The following IL1RAPL1 variants were observed in gnomAD, a reference collection of about 807,000 sequenced individuals.
IL1RAPL1 encodes the protein interleukin 1 receptor accessory protein like 1, also known as interleukin-1 receptor accessory protein-like 1.
A neutral mutation model predicts 48.4 loss-of-function variants in IL1RAPL1; 3 were observed. That is an observed-to-expected ratio of 0.06 (90% CI 0.03 to 0.16). IL1RAPL1 has a LOEUF of 0.16. Among genes scored for constraint, IL1RAPL1 ranks in the 10% least tolerant of loss-of-function variants. The pLI is 1.00. For missense variants in IL1RAPL1, 349 were observed against 530.6 expected (o/e 0.66, Z 3.36); for synonymous variants, 185 against 187.7 (o/e 0.99, Z 0.12).
chrX:29,677,286 A>G (rs1317657545), intron 6 of IL1RAPL1, among the ~76,000 whole-genome samples: 1 of 112,044 alleles, frequency 8.9e-6, no homozygotes, highest in Non-Finnish European at 1.9e-5. Context: ...CATTCCTGTC[A>G]AACCTTACTT....
rs369941146 is a variant in IL1RAPL1, at chrX:29,011,251, A to G, written c.82+221826A>G. On this transcript the variant is annotated intron_variant, in intron 2 of 10. Coordinates refer to ENST00000378993, the MANE Select transcript of IL1RAPL1 (RefSeq NM_014271.4). ...GAAAAGTTAAAAATGAACTTACCAT[A>G]TAACTTAGCCATTCAAGACCTATGT... 2.0e-4 allele frequency among the ~76,000 whole-genome samples: 22 copies of G among 112,045 alleles called. No homozygotes were observed. In the East Asian group the frequency reaches 3.4e-3, roughly 17 times the overall value.
chrX:29,382,175 A>G (rs1051083769), intron 3 of IL1RAPL1, among the ~76,000 whole-genome samples: 8 of 111,291 alleles, frequency 7.2e-5, no homozygotes, highest in Non-Finnish European at 1.3e-4. Flanking sequence ...TCATTAAGAT[A>G]TTCTTCACGT....
chrX:28,961,980 A>G (rs1163988274), intron 2 of IL1RAPL1, among the ~76,000 whole-genome samples: 1 of 112,026 alleles, frequency 8.9e-6, no homozygotes, highest in Non-Finnish European at 1.9e-5. Flanking sequence ...TGTTTCTTAT[A>G]TAAGGTGTTA....
rs373673286 is a variant in IL1RAPL1 at position 29,931,970 on chromosome X, C to G, written c.1058-9681C>G. ...CTAGTAGAGGGAAAGCAATACTTTT[C>G]TAAGGTATTTTCTTTTAGGCATCAG... is the stretch of plus-strand genomic sequence containing the variant. On this transcript the variant is annotated intron_variant, in intron 8 of 10. Transcript: ENST00000378993. 8.0e-5 allele frequency among the ~76,000 whole-genome samples: 9 copies of G among 112,484 alleles called. No individual in the cohort carries two copies. In the East Asian group the frequency reaches 2.5e-3, roughly 31 times the overall value.
intron 8 of IL1RAPL1, among the ~76,000 whole-genome samples, chrX:29,925,450 G>GT (rs1383753047): frequency 9.9e-5 from 2 of 20,161 alleles, no homozygotes; most frequent in African/African-American, 3.3e-4. Context: ...TTTTTTGCTG[G>GT]GGGGGGCTTC....
At chrX:29,175,358 C>G (rs1310897191) in intron 2 of IL1RAPL1, among the ~76,000 whole-genome samples, 1 of 111,703 alleles carries the variant, frequency 9.0e-6, no homozygotes, top group Non-Finnish European at 1.9e-5. Flanking sequence ...CCTTGGAAAG[C>G]CAATGAAGTG....
intron 2 of IL1RAPL1, among the ~76,000 whole-genome samples, chrX:29,158,884 C>G (rs1408881485): frequency 1.0e-5 from 1 of 98,489 alleles, no homozygotes; most frequent in African/African-American, 4.2e-5. Context: ...GATAAACAAC[C>G]TCTTTCTTTT....
At chrX:29,387,718 C>T (rs747255403) in intron 3 of IL1RAPL1, among the ~76,000 whole-genome samples, 1 of 111,624 alleles carries the variant, frequency 9.0e-6, no homozygotes, top group Non-Finnish European at 1.9e-5. Flanking sequence ...TATAGCTGGG[C>T]GCAGTGGCTC....
intron 3 of IL1RAPL1, among the ~76,000 whole-genome samples, chrX:29,355,923 G>C (rs1933295677): frequency 9.0e-6 from 1 of 111,048 alleles, no homozygotes; most frequent in Non-Finnish European, 1.9e-5. Flanking sequence ...GGATTACTCA[G>C]AATAAGAATA....
intron 2 of IL1RAPL1, among the ~76,000 whole-genome samples, chrX:29,028,843 G>T (rs1926551281): frequency 9.0e-6 from 1 of 111,080 alleles, no homozygotes; most frequent in Non-Finnish European, 1.9e-5. Context: ...ATCTCATCTG[G>T]CACTGGGGTG....
At chrX:29,794,593 T>G (rs1377740861) in intron 6 of IL1RAPL1, among the ~76,000 whole-genome samples, 1 of 111,907 alleles carries the variant, frequency 8.9e-6, no homozygotes, top group Non-Finnish European at 1.9e-5. Context: ...TTATTGAACT[T>G]AAGCCTTCAA....
chrX:28,764,327 T>G (rs141967605), intron 1 of IL1RAPL1, among the ~76,000 whole-genome samples: 1,708 of 111,498 alleles, frequency 0.015, 24 homozygotes, highest in Admixed American at 0.059. Context: ...AAACCTAAGA[T>G]AACAACAAAG....
chrX:29,193,392 A>G (rs902840453), intron 2 of IL1RAPL1, among the ~76,000 whole-genome samples: 1 of 111,100 alleles, frequency 9.0e-6, no homozygotes, highest in African/African-American at 3.3e-5. Context: ...CTGTTTTTTA[A>G]TTTATAATAT....
intron 3 of IL1RAPL1, among the ~76,000 whole-genome samples, chrX:29,368,761 G>C (rs1211784431): frequency 9.3e-6 from 1 of 107,822 alleles, no homozygotes; most frequent in Non-Finnish European, 1.9e-5. Context: ...TGTGTGTGTT[G>C]AAAGAGAGAA....
rs146568021 is a variant in IL1RAPL1, at chrX:29,946,150, C to T, written c.1201+4356C>T. Among the ~76,000 whole-genome samples, 41 of 112,233 alleles carry T rather than the reference C, an allele frequency of 3.7e-4. No homozygotes were observed. The East Asian group carries it at 0.011, about 31-fold the overall frequency. The stretch of plus-strand genomic sequence containing the variant: ...GCAACTGCTTTGTCCAAGCCTCCTA[C>T]ACCACCCTCTTGTTTTCATTCTCTA... On this transcript the variant is annotated intron_variant, in intron 9 of 10. Transcript: ENST00000378993.
At chrX:29,205,711 T>TTTTTA (rs199900140) in intron 2 of IL1RAPL1, among the ~76,000 whole-genome samples, 1 of 83,578 alleles carries the variant, frequency 1.2e-5, no homozygotes, top group African/African-American at 3.5e-5. Flanking sequence ...TATTAGTTTC[T>TTTTTA]TTTTATTTTA....
chrX:29,587,777 G>T (rs1156656531), intron 5 of IL1RAPL1, among the ~76,000 whole-genome samples: 1 of 112,119 alleles, frequency 8.9e-6, no homozygotes, highest in Non-Finnish European at 1.9e-5. Flanking sequence ...GTTCCAAATG[G>T]ATACGTGATA....
chrX:29,686,981 TA>T (rs202212925), intron 6 of IL1RAPL1, among the ~76,000 whole-genome samples: 14,030 of 98,101 alleles, frequency 0.14, 1,880 homozygotes, highest in African/African-American at 0.41. Context: ...ATGGCTACTA[TA>T]AAAAAAAAAA....
At chrX:29,532,458 A>G (rs1190502102) in intron 5 of IL1RAPL1, among the ~76,000 whole-genome samples, 4 of 111,899 alleles carry the variant, frequency 3.6e-5, no homozygotes, top group Non-Finnish European at 7.5e-5. Context: ...TCTACTCTAA[A>G]TATCTCTCAC....
Sources: allele counts gnomAD v4.1 joint callset (sites outside exome capture counted in the v4.1 genomes callset), GRCh38; gene constraint gnomAD v4.1.1; transcripts MANE v1.5; gene names NCBI Gene and HGNC (gene_info 2026-07-23, HGNC 2026-07-21).